TP53BP2: variants seen among roughly 807,000 people sequenced by gnomAD.
The protein encoded by TP53BP2 is apoptosis-stimulating of p53 protein 2.
In TP53BP2, 62 loss-of-function variants were observed where a neutral mutation model predicts 126.2. The ratio of observed to expected loss-of-function variants is 0.49; its 90% CI spans 0.40 to 0.61. The LOEUF (loss-of-function observed/expected upper bound fraction) is 0.61. Ranked by LOEUF, TP53BP2 falls within the 20% of genes least tolerant of loss-of-function variation. The probability of loss-of-function intolerance (pLI) is 0.00; values close to 1 mark genes in which losing one functional copy is unlikely to be tolerated. For synonymous variants in TP53BP2, 485 were observed against 502.9 expected, an observed-to-expected ratio of 0.96 and a Z score of 0.48; for missense variants, 1,215 against 1,402.8, an observed-to-expected ratio of 0.87 and a Z score of 2.14.
intron 1 of TP53BP2, among the ~76,000 whole-genome samples, chr1:223,837,910 G>A (rs1191595215): frequency 6.6e-6 from 1 of 151,800 alleles, no homozygotes; most frequent in East Asian, 1.9e-4. Flanking sequence ...CTCTGCCCAC[G>A]AAGCCCTGCC....
At position 223,809,300 on chromosome 1, in the gene TP53BP2, C is replaced by A. The variant is rs370725218; in HGVS notation, c.372+1131G>T. 3.5e-4 allele frequency among the ~76,000 whole-genome samples: 54 copies of A among 152,270 alleles called. No individual in the cohort carries two copies. In the South Asian group the frequency reaches 7.0e-3, roughly 20 times the overall value. On this transcript the variant is annotated intron_variant, in intron 4 of 17. Coordinates refer to ENST00000343537, the MANE Select transcript of TP53BP2 (RefSeq NM_001031685.3). ...TCAAAGAAAAGCTCAGGCACCATGG[C>A]TAACGTCCGTAATCCCAGCACTTTG...
intron 1 of TP53BP2, among the ~76,000 whole-genome samples, chr1:223,824,507 G>C (rs1298813263): frequency 6.6e-6 from 1 of 152,086 alleles, no homozygotes; most frequent in Non-Finnish European, 1.5e-5. Context: ...TCAAACTCCA[G>C]ATTTCTTCAT....
In TP53BP2 at chr1:223,821,324, G is replaced by A; in HGVS notation, c.71C>T (p.Thr24Ile). The A allele has an allele frequency of 1.2e-6, 2 of 1,614,056 alleles. No homozygotes were observed. Among genetic ancestry groups the A allele is most frequent in the Non-Finnish European group, 1.7e-6 (2 of 1,179,906 alleles). ...VYLSNNEQHF[T>I]EVPVTPETIC... ...TGTTTCTGGAGTAACTGGAACTTCT[G>A]TGAAGTGCTGCTCATTGTTACTGAG... Residue 24 changes from threonine (T) to isoleucine (I), a missense_variant, in exon 2 of 18, where the codon ACA becomes ATA. Thr to Ile is a moderately conservative substitution (Grantham distance 89, BLOSUM62 -1). Transcript: ENST00000343537.
intron 1 of TP53BP2, among the ~76,000 whole-genome samples, chr1:223,838,462 C>T (rs1402853549): frequency 1.3e-5 from 2 of 152,216 alleles, no homozygotes; most frequent in Admixed American, 6.5e-5. Context: ...ACTACACGGG[C>T]AGCCCTGAAG....
At chr1:223,840,860 A>T (rs553014617) in intron 1 of TP53BP2, among the ~76,000 whole-genome samples, 1 of 152,322 alleles carries the variant, frequency 6.6e-6, no homozygotes, top group South Asian at 2.1e-4. Flanking sequence ...AAAAAGTCTA[A>T]ATCTGGTTTC....
chr1:223,821,315 G>A lies in TP53BP2; in HGVS notation c.80C>T (p.Pro27Leu), dbSNP rs1558104709. 1.9e-6 allele frequency: 3 copies of A among 1,614,072 alleles called. No homozygotes were observed. Among genetic ancestry groups the A allele is most frequent in the Admixed American group, 1.7e-5 (1 of 60,038 alleles). The change falls in exon 2 of 18, where the codon CCA becomes CTA. Residue 27 changes from proline to leucine, a missense_variant. Transcript: ENST00000343537. ...TCTGCATATTGTTTCTGGAGTAACT[G>A]GAACTTCTGTGAAGTGCTGCTCATT... ...SNNEQHFTEV[P>L]VTPETICRDV...
chr1:223,799,749 G>A, intron 11 of TP53BP2, 150 bp downstream of exon 11: 1 of 720,412 alleles, frequency 1.4e-6, no homozygotes, highest in Non-Finnish European at 2.0e-6. Flanking sequence ...TCACGCAAGA[G>A]AAATTAAAAT....
chr1:223,787,901 A>G (rs73125398), intron 16 of TP53BP2, among the ~76,000 whole-genome samples: 6,000 of 151,516 alleles, frequency 0.04, 366 homozygotes, highest in African/African-American at 0.13. Flanking sequence ...TAAATAAATA[A>G]ATAGATAATA....
chr1:223,813,130 C>A (rs908434433), intron 3 of TP53BP2, among the ~76,000 whole-genome samples: 1 of 152,080 alleles, frequency 6.6e-6, no homozygotes, highest in Non-Finnish European at 1.5e-5. Flanking sequence ...CCACCCTCCC[C>A]CTACAGTCAT....
At chr1:223,814,495 A>C (rs763647061) in intron 2 of TP53BP2, 142 bp from the exon 3 acceptor site, 2 of 629,314 alleles carry the variant, frequency 3.2e-6, no homozygotes, top group Non-Finnish European at 5.5e-6. Flanking sequence ...TCATTAAAAC[A>C]CGTCTTAGAA....
intron 17 of TP53BP2, among the ~76,000 whole-genome samples, chr1:223,781,805 T>TA (rs201907011): frequency 1.5e-4 from 23 of 151,240 alleles, no homozygotes; most frequent in South Asian, 1.0e-3. Flanking sequence ...CACTTTCCTT[T>TA]AAAAAAAAAG....
chr1:223,780,525 T>C lies in TP53BP2; in HGVS notation c.*328A>G. 4.3e-6 allele frequency: 1 copy of C among 234,422 alleles called. No individual in the cohort carries two copies. Among genetic ancestry groups the C allele is most frequent in the Non-Finnish European group, 8.3e-6 (1 of 120,120 alleles). The allele number at this position is 234,422 out of a possible 1,614,324, so 14.5% of individuals were successfully genotyped here. The stretch of plus-strand genomic sequence containing the variant: ...ACACTCAACAGGACAGAGAGCTGAT[T>C]TCCCAACTGCCCAATAAATGATCCT... On this transcript the variant is annotated 3_prime_UTR_variant, in exon 18 of 18. Coordinates refer to ENST00000343537, the MANE Select transcript of TP53BP2 (RefSeq NM_001031685.3).
chr1:223,814,665 G>A (rs1663025578), intron 2 of TP53BP2, among the ~76,000 whole-genome samples: 1 of 152,012 alleles, frequency 6.6e-6, no homozygotes, highest in Non-Finnish European at 1.5e-5. Context: ...GGTTCCAAAA[G>A]TTTCTGTAAA....
At chr1:223,835,135 G>A (rs1487591139) in intron 1 of TP53BP2, among the ~76,000 whole-genome samples, 2 of 152,210 alleles carry the variant, frequency 1.3e-5, no homozygotes, top group Non-Finnish European at 2.9e-5. Flanking sequence ...ACATGACAAA[G>A]AGGATGTTCA....
chr1:223,802,911 G>A lies in TP53BP2; in HGVS notation c.832-16C>T. 6.2e-7 allele frequency: 1 copy of A among 1,612,486 alleles called. No homozygotes were observed. The highest frequency in any genetic ancestry group is 8.5e-7 in the Non-Finnish European group (1 of 1,179,590). On this transcript the variant is annotated splice_polypyrimidine_tract_variant and intron_variant, in intron 7 of 17. Transcript: ENST00000343537. ...TGTTTCTTAGCTGAATAAAAGAGAG[G>A]GGAAAAAAGGTAGCCAAGGAGTAGG...
At chr1:223,831,046 C>T (rs1046803445) in intron 1 of TP53BP2, among the ~76,000 whole-genome samples, 4 of 151,676 alleles carry the variant, frequency 2.6e-5, no homozygotes, top group Admixed American at 1.3e-4. Flanking sequence ...TGCAGTGAGC[C>T]GAGATCGCGC....
At chr1:223,819,658 C>T (rs993464661) in intron 2 of TP53BP2, among the ~76,000 whole-genome samples, 6 of 151,180 alleles carry the variant, frequency 4.0e-5, no homozygotes, top group African/African-American at 1.5e-4. Flanking sequence ...TGCACTCCAG[C>T]CTGGGCGACA....
In TP53BP2 at chr1:223,780,901, G is replaced by C; in HGVS notation, c.3364-7C>G. 6.2e-7 allele frequency: 1 copy of C among 1,612,572 alleles called. No individual in the cohort carries two copies. The highest frequency in any genetic ancestry group is 2.2e-5 in the East Asian group (1 of 44,870). ...GTTTAATTCTTGGGTACAGCTGCAA[G>C]AGAGTTTAAAAAATTTTACATACTA... is the stretch of plus-strand genomic sequence containing the variant. On this transcript the variant is annotated splice_polypyrimidine_tract_variant and splice_region_variant and intron_variant, in intron 17 of 17. Transcript: ENST00000343537.
intron 11 of TP53BP2, among the ~76,000 whole-genome samples, chr1:223,799,553 T>G (rs181428524): frequency 1.5e-4 from 23 of 152,320 alleles, no homozygotes; most frequent in Admixed American, 5.9e-4. Context: ...TATCAAGGAT[T>G]AAGACTGTAA....
Sources: gnomAD v4.1 joint callset for allele counts (sites outside exome capture counted in the v4.1 genomes callset) on GRCh38, gnomAD v4.1.1 for gene constraint, MANE v1.5 for transcripts, NCBI Gene and HGNC (gene_info 2026-07-23, HGNC 2026-07-21) for gene names.